ITPR2: variants seen among roughly 807,000 people sequenced by gnomAD.
The protein encoded by ITPR2 is inositol 1,4,5-trisphosphate receptor type 2.
A neutral mutation model predicts 317.1 loss-of-function variants in ITPR2; 207 were observed. The ratio of observed to expected loss-of-function variants is 0.65; its 90% CI spans 0.58 to 0.73. The LOEUF (loss-of-function observed/expected upper bound fraction) is 0.73, where lower values mean the gene tolerates loss of function less well. Among genes scored for constraint, ITPR2 ranks in the 30% least tolerant of loss-of-function variants. The pLI, the probability that ITPR2 is intolerant of heterozygous loss-of-function variation, is 0.00. For synonymous variants in ITPR2, 1,156 were observed against 1,149.1 expected, an observed-to-expected ratio of 1.01 and a Z score of -0.12; for missense variants, 2,613 against 3,284.0, an observed-to-expected ratio of 0.80 and a Z score of 4.99.
At chr12:26,546,307 T>C (rs764554948) in intron 37 of ITPR2, among the ~76,000 whole-genome samples, 257 of 152,328 alleles carry the variant, frequency 1.7e-3, no homozygotes, top group Admixed American at 3.3e-3. Flanking sequence ...TGTCATACTG[T>C]ATGTTTGTGG....
At chr12:26,790,700 CTT>C (rs60824995) in intron 1 of ITPR2, among the ~76,000 whole-genome samples, 24,315 of 151,744 alleles carry the variant, frequency 0.16, 2,118 homozygotes, top group South Asian at 0.27. Flanking sequence ...ATTTTCCTGT[CTT>C]TTATTTTTCC....
In ITPR2 at chr12:26,715,743, C is replaced by T; in HGVS notation, c.708+9G>A. 1.3e-6 allele frequency: 2 copies of T among 1,529,964 alleles called. No individual in the cohort carries two copies. Among genetic ancestry groups the T allele is most frequent in the Non-Finnish European group, 1.8e-6 (2 of 1,105,742 alleles). The allele number at this position is 1,529,964 out of a possible 1,614,324, so 94.8% of individuals were successfully genotyped here. Reference sequence around the variant, plus strand: ...CTCCCAGCAAATGTCCTGTGTAGCACATACTTACTCCTTTTAATACATCCT... The same window carrying T: ...CTCCCAGCAAATGTCCTGTGTAGCATATACTTACTCCTTTTAATACATCCT... On this transcript the variant is annotated intron_variant, in intron 7 of 56. Transcript: ENST00000381340.
chr12:26,659,255 G>A lies in ITPR2; in HGVS notation c.1744C>T (p.Gln582Ter). The A allele has an allele frequency of 6.2e-7, 1 of 1,613,414 alleles. No individual in the cohort carries two copies. ...EYIAKNFCVM[Q>*]SQIGYDILAE... is the part of the protein sequence containing the mutation. Reference sequence around the variant, plus strand: ...AAAATATCATAGCCAATCTGGGACTGCATGACACAGAAATTCTTAGCAATA... The same window carrying A: ...AAAATATCATAGCCAATCTGGGACTACATGACACAGAAATTCTTAGCAATA... Residue 582 changes from glutamine (Q) to a stop codon, truncating the protein, a stop_gained, in exon 16 of 57, where the codon CAG (glutamine) becomes TAG (stop). Transcript: ENST00000381340. LOFTEE classifies it high-confidence loss of function.
intron 26 of ITPR2, among the ~76,000 whole-genome samples, chr12:26,603,346 T>C (rs1208585326): frequency 6.6e-6 from 1 of 152,214 alleles, no homozygotes; most frequent in African/African-American, 2.4e-5. Flanking sequence ...CAAAGATACT[T>C]AATTATAATA....
intron 45 of ITPR2, among the ~76,000 whole-genome samples, chr12:26,454,646 G>T (rs1941833644): frequency 6.6e-6 from 1 of 151,564 alleles, no homozygotes; most frequent in African/African-American, 2.4e-5. Context: ...GGTGAAGAAA[G>T]TCATCTTTTT....
intron 1 of ITPR2, among the ~76,000 whole-genome samples, chr12:26,806,887 G>A (rs550294728): frequency 6.6e-6 from 1 of 152,244 alleles, no homozygotes; most frequent in South Asian, 2.1e-4. Context: ...AGATTTAAAT[G>A]CATTTGAATC....
intron 5 of ITPR2, among the ~76,000 whole-genome samples, chr12:26,719,876 G>A (rs1948804524): frequency 1.3e-5 from 2 of 151,974 alleles, no homozygotes; most frequent in African/African-American, 4.8e-5. Context: ...AAGAATATCT[G>A]ACCTTTATTC....
At position 26,483,777 on chromosome 12, in the gene ITPR2, T is replaced by C; in HGVS notation, c.5933A>G (p.Asn1978Ser). The part of the protein sequence containing the change: ...GGLGLLGLYI[N>S]EKNVALVNQN... ...GTTGACCAGCGCTACATTCTTCTCA[T>C]TGATGTAGAGACCCAACAGGCCCAG... The change falls in exon 42 of 57, where the codon AAT (asparagine) becomes AGT (serine). Residue 1978 changes from asparagine to serine, a missense_variant. Asn to Ser is a conservative substitution (Grantham distance 46, BLOSUM62 1). Around this residue, in one of 9 missense-constraint regions of ITPR2, gnomAD observed 926 missense variants for 1,072.8 expected, o/e 0.86. Transcript: ENST00000381340. 1 of 1,614,042 alleles carries C rather than the reference T, an allele frequency of 6.2e-7. No homozygotes were observed. The highest frequency in any genetic ancestry group is 8.5e-7 in the Non-Finnish European group (1 of 1,179,886).
rs140115285 is a variant in ITPR2 at position 26,608,529 on chromosome 12, C to G, written c.3463-5823G>C. Among the ~76,000 whole-genome samples the G allele has an allele frequency of 1.7e-3, 256 of 151,134 alleles. 1 individual carries two copies. Among genetic ancestry groups the G allele is most frequent in the African/African-American group, 5.7e-3 (235 of 41,228 alleles). Reference sequence around the variant, plus strand: ...TGAGGAACCCCTCTGCTTGGCCGCCCCACTCGCTGGGAAGAGAGGAGCGCC... The same window carrying G: ...TGAGGAACCCCTCTGCTTGGCCGCCGCACTCGCTGGGAAGAGAGGAGCGCC... On this transcript the variant is annotated intron_variant, in intron 26 of 56. Transcript: ENST00000381340.
At chr12:26,507,862 TCTG>T (rs1943230354) in intron 37 of ITPR2, among the ~76,000 whole-genome samples, 2 of 132,040 alleles carry the variant, frequency 1.5e-5, no homozygotes, top group Non-Finnish European at 3.3e-5. Flanking sequence ...TCTCTCTGTC[TCTG>T]TGTGTGTGTG....
chr12:26,639,672 C>T (rs1946940963), intron 21 of ITPR2, among the ~76,000 whole-genome samples: 1 of 144,072 alleles, frequency 6.9e-6, no homozygotes, highest in Non-Finnish European at 1.5e-5. Flanking sequence ...TTCCTGTGTC[C>T]ATGTGTTCTC....
intron 1 of ITPR2, among the ~76,000 whole-genome samples, chr12:26,827,612 T>C (rs1020936380): frequency 2.6e-5 from 4 of 152,220 alleles, no homozygotes; most frequent in African/African-American, 9.6e-5. Context: ...AATAACAATG[T>C]ATATCATCCA....
In ITPR2 at chr12:26,461,681, CATAT is replaced by C. The variant is rs10599348; in HGVS notation, c.6342+13611_6342+13614del. On this transcript the variant is annotated intron_variant, in intron 45 of 56. Coordinates refer to ENST00000381340, the MANE Select transcript of ITPR2 (RefSeq NM_002223.4). ...ATATATATATATATATGCACACATA[CATAT>C]ATATATACACACACACACACACACA... 3.9e-3 allele frequency among the ~76,000 whole-genome samples: 336 copies of C among 85,154 alleles called. 3 individuals carry two copies. Among genetic ancestry groups the C allele is most frequent in the African/African-American group, 0.015 (307 of 20,840 alleles). The allele number at this position is 85,154 out of a possible 152,430, so 55.9% of individuals were successfully genotyped here.
At chr12:26,667,849 C>CA (rs1947662621) in intron 13 of ITPR2, among the ~76,000 whole-genome samples, 1 of 152,136 alleles carries the variant, frequency 6.6e-6, no homozygotes, top group African/African-American at 2.4e-5. Flanking sequence ...CAAAGTCATT[C>CA]AAATGCCCTG....
intron 37 of ITPR2, among the ~76,000 whole-genome samples, chr12:26,541,632 C>T (rs541477732): frequency 1.1e-4 from 17 of 152,040 alleles, no homozygotes; most frequent in African/African-American, 1.4e-4. Flanking sequence ...TGAGTATATG[C>T]ATAGATGTGA....
At chr12:26,589,812 AT>A (rs55916952) in intron 32 of ITPR2, among the ~76,000 whole-genome samples, 6,521 of 45,524 alleles carry the variant, frequency 0.14, 1,819 homozygotes, top group Non-Finnish European at 0.23. Flanking sequence ...TAAATAAAAA[AT>A]AAATAAATAA....
intron 1 of ITPR2, among the ~76,000 whole-genome samples, chr12:26,814,710 T>C (rs1592155285): frequency 6.6e-6 from 1 of 152,260 alleles, no homozygotes; most frequent in African/African-American, 2.4e-5. Flanking sequence ...CAATAATTTG[T>C]ATACACGTAT....
intron 56 of ITPR2, 27 bp from the exon 57 acceptor site, chr12:26,339,510 C>G (rs938524662): frequency 3.1e-6 from 5 of 1,599,192 alleles, no homozygotes; most frequent in East Asian, 2.2e-5. Flanking sequence ...AGTGTGTGTT[C>G]AGCGGATTTT....
At chr12:26,703,261 T>C (rs139544440) in intron 9 of ITPR2, among the ~76,000 whole-genome samples, 9 of 152,318 alleles carry the variant, frequency 5.9e-5, no homozygotes, top group African/African-American at 2.2e-4. Flanking sequence ...CAGATGTGCA[T>C]GTATAGTGGA....
Sources: allele counts gnomAD v4.1 joint callset (sites outside exome capture counted in the v4.1 genomes callset), GRCh38; gene constraint gnomAD v4.1.1; regional missense constraint gnomAD v4.1.1; transcripts MANE v1.5; gene names NCBI Gene and HGNC (gene_info 2026-07-23, HGNC 2026-07-21).